Variants in MRPL48 observed in about 807,000 individuals in gnomAD.
MRPL48 encodes mitochondrial ribosomal protein L48, also known as large ribosomal subunit protein mL48.
Under a neutral mutation model 32.9 loss-of-function variants are expected in MRPL48, and 16 were observed. The ratio of observed to expected loss-of-function variants is 0.49; its 90% CI spans 0.33 to 0.74. The LOEUF (loss-of-function observed/expected upper bound fraction) is 0.74, where lower values mean the gene tolerates loss of function less well. MRPL48 is among the 30% of genes least tolerant of loss of function. The pLI, the probability that MRPL48 is intolerant of heterozygous loss-of-function variation, is 0.02. For missense variants in MRPL48, 206 were observed against 245.3 expected, an observed-to-expected ratio of 0.84 and a Z score of 1.07; for synonymous variants, 94 against 89.2, an observed-to-expected ratio of 1.05 and a Z score of -0.31.
chr11:73,838,627 TGAG>T (rs921447942), intron 4 of MRPL48, among the ~76,000 whole-genome samples: 16 of 152,182 alleles, frequency 1.1e-4, no homozygotes, highest in African/African-American at 3.6e-4. Flanking sequence ...CCTGTCACGA[TGAG>T]AAGTCCTGAT....
At chr11:73,852,948 A>G (rs1565110436) in intron 5 of MRPL48, among the ~76,000 whole-genome samples, 1 of 152,216 alleles carries the variant, frequency 6.6e-6, no homozygotes, top group Non-Finnish European at 1.5e-5. Context: ...TTGCAACAAC[A>G]TAGATGGAAC....
At chr11:73,825,914 A>C (rs1565097369) in intron 4 of MRPL48, 118 bp downstream of exon 4, 19 of 846,896 alleles carry the variant, frequency 2.2e-5, no homozygotes, top group Admixed American at 6.3e-5. Context: ...GTTGCCTCTC[A>C]ATCCTTGCCA....
chr11:73,841,547 A>G (rs1948186031), intron 4 of MRPL48, among the ~76,000 whole-genome samples: 2 of 152,244 alleles, frequency 1.3e-5, no homozygotes, highest in African/African-American at 2.4e-5. Flanking sequence ...AAGAGAATGT[A>G]TCTATCATTC....
At chr11:73,814,599 G>T (rs1565410715) in intron 3 of MRPL48, among the ~76,000 whole-genome samples, 1 of 151,936 alleles carries the variant, frequency 6.6e-6, no homozygotes, top group Non-Finnish European at 1.5e-5. Context: ...GGAGGCTGAG[G>T]CAGGAGAATT....
intron 2 of MRPL48, 27 bp from the exon 3 acceptor site, chr11:73,808,286 T>C (rs1565406827): frequency 6.3e-7 from 1 of 1,586,970 alleles, no homozygotes; most frequent in Non-Finnish European, 8.6e-7. Context: ...TCTAATTGTA[T>C]TGAACATACT....
intron 5 of MRPL48, among the ~76,000 whole-genome samples, chr11:73,846,633 A>G (rs1435523332): frequency 6.6e-6 from 1 of 151,102 alleles, no homozygotes; most frequent in Non-Finnish European, 1.5e-5. Context: ...TGCTGGGATT[A>G]CAGGAGTGAA....
At chr11:73,789,320 C>T (rs1269205613) in intron 1 of MRPL48, 2 of 152,190 alleles carry the variant, frequency 1.3e-5, no homozygotes, top group African/African-American at 4.8e-5. Flanking sequence ...CTCCATGTTT[C>T]ACCATATTGC....
chr11:73,792,159 A>G (rs990088459), intron 1 of MRPL48, among the ~76,000 whole-genome samples: 1 of 152,230 alleles, frequency 6.6e-6, no homozygotes, highest in African/African-American at 2.4e-5. Context: ...AGCAGGGTGG[A>G]ACCAGATAAG....
chr11:73,818,765 C>G (rs1590957614), intron 3 of MRPL48, among the ~76,000 whole-genome samples: 4 of 152,166 alleles, frequency 2.6e-5, no homozygotes, highest in Admixed American at 2.6e-4. Context: ...ATAATTATAA[C>G]AAAGTTGTTT....
chr11:73,859,883 A>AT (rs1444557223), intron 5 of MRPL48, 24 bp from the exon 6 acceptor site: 49 of 1,603,468 alleles, frequency 3.1e-5, no homozygotes, highest in Non-Finnish European at 3.6e-5. Flanking sequence ...AACACTCACT[A>AT]TAGCTGACTC....
chr11:73,835,714 C>G (rs1389362161), intron 4 of MRPL48, among the ~76,000 whole-genome samples: 1 of 151,966 alleles, frequency 6.6e-6, no homozygotes, highest in Non-Finnish European at 1.5e-5. Context: ...GCCTGGCCAA[C>G]ATGGTGAAAC....
intron 4 of MRPL48, among the ~76,000 whole-genome samples, chr11:73,827,008 T>G (rs889364624): frequency 4.0e-5 from 6 of 151,416 alleles, no homozygotes; most frequent in Admixed American, 1.3e-4. Context: ...ACTCCCGACC[T>G]CAGGTGATCT....
chr11:73,823,363 A>G (rs1005467612), intron 3 of MRPL48, among the ~76,000 whole-genome samples: 3 of 152,200 alleles, frequency 2.0e-5, no homozygotes, highest in Non-Finnish European at 4.4e-5. Flanking sequence ...CTTGCTGCCC[A>G]TATCTTGATG....
At chr11:73,835,974 C>A (rs1399812243) in intron 4 of MRPL48, among the ~76,000 whole-genome samples, 7 of 151,954 alleles carry the variant, frequency 4.6e-5, no homozygotes, top group Non-Finnish European at 2.9e-5. Context: ...CTCACTGTCG[C>A]CCAGGTTGGA....
chr11:73,864,304 A>G lies in MRPL48; in HGVS notation c.573A>G (p.Glu191=). ...GVRLSVKEHT[E]EDFKGRFKAR... ...CTTTTTCTTCTCCTTAGCACACTGA[A>G]GAAGACTTCAAGGGACGATTCAAAG... Residue 191 remains glutamate (E), a synonymous_variant, in exon 8 of 8, where the codon GAA becomes GAG. Coordinates refer to ENST00000310614, the MANE Select transcript of MRPL48 (RefSeq NM_016055.6). The G allele has an allele frequency of 1.9e-6, 3 of 1,613,768 alleles. No homozygotes were observed. Among genetic ancestry groups the G allele is most frequent in the Non-Finnish European group, 2.5e-6 (3 of 1,179,818 alleles).
chr11:73,853,240 G>A (rs1361116890), intron 5 of MRPL48, among the ~76,000 whole-genome samples: 3 of 152,166 alleles, frequency 2.0e-5, no homozygotes, highest in South Asian at 2.1e-4. Flanking sequence ...AACTAAAAGA[G>A]TATAGTTGGA....
intron 5 of MRPL48, among the ~76,000 whole-genome samples, chr11:73,849,765 G>A (rs1948357254): frequency 6.6e-6 from 1 of 152,158 alleles, no homozygotes; most frequent in South Asian, 2.1e-4. Flanking sequence ...GAGTATGATT[G>A]TTGAGTCAAA....
intron 1 of MRPL48, among the ~76,000 whole-genome samples, chr11:73,788,920 G>C (rs573069643): frequency 1.3e-5 from 2 of 152,138 alleles, no homozygotes; most frequent in Admixed American, 6.5e-5. Flanking sequence ...GTATCATGCT[G>C]CTTAGATTAA....
intron 5 of MRPL48, among the ~76,000 whole-genome samples, chr11:73,845,859 G>A (rs1378683909): frequency 6.6e-6 from 1 of 152,078 alleles, no homozygotes; most frequent in South Asian, 2.1e-4. Context: ...CCAGAGGTCA[G>A]GAGTTCGAGA....
Sources: allele counts gnomAD v4.1 joint callset (sites outside exome capture counted in the v4.1 genomes callset), GRCh38; gene constraint gnomAD v4.1.1; transcripts MANE v1.5; gene names NCBI Gene and HGNC (gene_info 2026-07-23, HGNC 2026-07-21).